Variants in GALNT9 observed in about 807,000 individuals in gnomAD.
GALNT9 encodes polypeptide N-acetylgalactosaminyltransferase 9, also known as GalNAc transferase 9.
Under a neutral mutation model 63.1 loss-of-function variants are expected in GALNT9, and 47 were observed. That is an observed-to-expected ratio of 0.75 (90% CI 0.59 to 0.95). The LOEUF (loss-of-function observed/expected upper bound fraction) is 0.95, where lower values mean the gene tolerates loss of function less well. Ranked by LOEUF, GALNT9 falls within the 40% of genes least tolerant of loss-of-function variation. The pLI, the probability that GALNT9 is intolerant of heterozygous loss-of-function variation, is 0.00. For missense variants in GALNT9, 829 were observed against 874.8 expected, an observed-to-expected ratio of 0.95 and a Z score of 0.66; for synonymous variants, 396 against 365.7, an observed-to-expected ratio of 1.08 and a Z score of -0.94.
intron 6 of GALNT9, among the ~76,000 whole-genome samples, chr12:132,217,624 CCATT>C (rs1450226362): frequency 1.2e-4 from 17 of 146,154 alleles, no homozygotes; most frequent in African/African-American, 4.1e-4. Flanking sequence ...ATCCATCCAT[CCATT>C]CACCCATCCC....
At chr12:132,225,858 CT>C (rs1877654844) in intron 6 of GALNT9, among the ~76,000 whole-genome samples, 1 of 126,590 alleles carries the variant, frequency 7.9e-6, no homozygotes, top group Admixed American at 7.8e-5. Flanking sequence ...ACCCCACACA[CT>C]GTGTATACAC....
At chr12:132,274,809 CAT>C (rs1353355332) in intron 2 of GALNT9, 1 of 152,632 alleles carries the variant, frequency 6.6e-6, no homozygotes, top group Non-Finnish European at 1.5e-5. Flanking sequence ...CACACATGAA[CAT>C]ATGCCACACA....
intron 6 of GALNT9, among the ~76,000 whole-genome samples, chr12:132,207,508 T>C (rs116290657): frequency 0.032 from 4,924 of 152,254 alleles, 255 homozygotes; most frequent in African/African-American, 0.11. Flanking sequence ...GCCAGCCCCG[T>C]CAGTGTGTGC....
At chr12:132,203,002 CTG>C (rs1208538941) in intron 7 of GALNT9, among the ~76,000 whole-genome samples, 3 of 152,222 alleles carry the variant, frequency 2.0e-5, no homozygotes, top group Non-Finnish European at 4.4e-5. Context: ...CCCTTTCACA[CTG>C]TGGACGTGAC....
intron 1 of GALNT9, among the ~76,000 whole-genome samples, chr12:132,314,410 C>T (rs1868409340): frequency 6.6e-6 from 1 of 152,100 alleles, no homozygotes; most frequent in Non-Finnish European, 1.5e-5. Flanking sequence ...GCTTCATATG[C>T]ACCATCTTGT....
chr12:132,260,872 C>G (rs545247503), intron 4 of GALNT9, 76 bp downstream of exon 4: 2 of 1,442,268 alleles, frequency 1.4e-6, no homozygotes, highest in Non-Finnish European at 1.8e-6. Flanking sequence ...CAGGCTGCAG[C>G]CGCACGGCGG....
chr12:132,242,396 G>A (rs1401038069), intron 6 of GALNT9, among the ~76,000 whole-genome samples: 1 of 15,238 alleles, frequency 6.6e-5, no homozygotes, highest in Non-Finnish European at 1.1e-4. Flanking sequence ...CCTTCCCGGG[G>A]CCCTCCCTAT....
chr12:132,228,994 C>T (rs1593073025), intron 6 of GALNT9, among the ~76,000 whole-genome samples: 2 of 152,096 alleles, frequency 1.3e-5, no homozygotes, highest in African/African-American at 2.4e-5. Context: ...CCGGTGTGGA[C>T]GGGTTAGACA....
chr12:132,249,839 G>A (rs1371506871), intron 5 of GALNT9, among the ~76,000 whole-genome samples: 4 of 152,198 alleles, frequency 2.6e-5, no homozygotes, highest in South Asian at 4.1e-4. Context: ...TCAGGCTCGC[G>A]TGGGGCTGCC....
chr12:132,206,763 C>A (rs977960903), intron 6 of GALNT9, among the ~76,000 whole-genome samples: 2 of 152,152 alleles, frequency 1.3e-5, no homozygotes, highest in South Asian at 4.1e-4. Context: ...GGAGCCGAGC[C>A]CCCACACAAG....
At chr12:132,318,062 G>A (rs976005978) in intron 1 of GALNT9, among the ~76,000 whole-genome samples, 15 of 152,298 alleles carry the variant, frequency 9.8e-5, no homozygotes, top group African/African-American at 3.6e-4. Flanking sequence ...GCAACATGGT[G>A]AAACCCTGTC....
At chr12:132,213,919 A>G (rs1177960210) in intron 6 of GALNT9, among the ~76,000 whole-genome samples, 3 of 152,184 alleles carry the variant, frequency 2.0e-5, no homozygotes, top group Non-Finnish European at 4.4e-5. Flanking sequence ...GCAGCCCTGG[A>G]GATGCAGGCC....
At chr12:132,313,422 T>C (rs1435010076) in intron 1 of GALNT9, among the ~76,000 whole-genome samples, 1 of 107,350 alleles carries the variant, frequency 9.3e-6, no homozygotes, top group African/African-American at 3.7e-5. Context: ...TCCACCCTTC[T>C]ACCCACCTAC....
intron 6 of GALNT9, among the ~76,000 whole-genome samples, chr12:132,229,605 G>A (rs1877820825): frequency 6.6e-6 from 1 of 152,198 alleles, no homozygotes; most frequent in African/African-American, 2.4e-5. Context: ...GGATGGGGCT[G>A]GGAGAGAGGC....
At chr12:132,225,534 C>T (rs1877636777) in intron 6 of GALNT9, among the ~76,000 whole-genome samples, 1 of 149,816 alleles carries the variant, frequency 6.7e-6, no homozygotes, top group Non-Finnish European at 1.5e-5. Context: ...ACACATGCCA[C>T]ACACAACACA....
chr12:132,304,350 CCCTCACCCGGGCACAG>C (rs1555244279), intron 1 of GALNT9, among the ~76,000 whole-genome samples: 1 of 116,440 alleles, frequency 8.6e-6, no homozygotes, highest in Non-Finnish European at 1.7e-5. Context: ...CCTGGGCACA[CCCTCACCCGGGCACAG>C]CCTCACCCGG....
At chr12:132,202,884 A>ATTTCCC (rs1565983297) in intron 7 of GALNT9, among the ~76,000 whole-genome samples, 2 of 152,162 alleles carry the variant, frequency 1.3e-5, no homozygotes, top group Non-Finnish European at 2.9e-5. Flanking sequence ...CAAATTAGAA[A>ATTTCCC]ACAAACAGCA....
intron 6 of GALNT9, among the ~76,000 whole-genome samples, chr12:132,225,069 C>A (rs1344282740): frequency 7.1e-5 from 9 of 126,470 alleles, no homozygotes; most frequent in African/African-American, 2.1e-4. Flanking sequence ...CACCACCCCC[C>A]CACACACAAC....
At chr12:132,324,452 T>C (rs1868944912) in intron 1 of GALNT9, among the ~76,000 whole-genome samples, 2 of 151,940 alleles carry the variant, frequency 1.3e-5, no homozygotes, top group Admixed American at 6.5e-5. Context: ...CAAGAGACGC[T>C]GTCCTCGTAC....
Sources: gnomAD v4.1 joint callset for allele counts (sites outside exome capture counted in the v4.1 genomes callset) on GRCh38, gnomAD v4.1.1 for gene constraint, MANE v1.5 for transcripts, NCBI Gene and HGNC (gene_info 2026-07-23, HGNC 2026-07-21) for gene names.